TRIM33: variants seen among roughly 807,000 people sequenced by gnomAD.
TRIM33 encodes the protein tripartite motif containing 33, also known as E3 ubiquitin-protein ligase TRIM33.
In TRIM33, 20 loss-of-function variants were observed where a neutral mutation model predicts 125.4. The observed-to-expected ratio is 0.16, with a 90% CI of 0.11 to 0.23. The LOEUF is 0.23. Ranked by LOEUF, TRIM33 falls within the 10% of genes least tolerant of loss-of-function variation. The probability of loss-of-function intolerance (pLI) is 1.00; values close to 1 mark genes in which losing one functional copy is unlikely to be tolerated. For synonymous variants in TRIM33, 564 were observed against 513.9 expected, an observed-to-expected ratio of 1.10 and a Z score of -1.32; for missense variants, 920 against 1,411.4, an observed-to-expected ratio of 0.65 and a Z score of 5.58.
intron 4 of TRIM33, among the ~76,000 whole-genome samples, chr1:114,449,782 A>G (rs1446564420): frequency 1.3e-5 from 2 of 152,202 alleles, no homozygotes; most frequent in Non-Finnish European, 2.9e-5. Flanking sequence ...GAACTACCAC[A>G]TGCCAAACTT....
In TRIM33 at chr1:114,511,124, G is replaced by T; in HGVS notation, c.-48C>A. Reference sequence around the variant, plus strand: ...GACCGCCCCGCGCCGCCCGCCGCCCGCGTCGCCGCCGCCGCCGCCCCCAGC... The same window carrying T: ...GACCGCCCCGCGCCGCCCGCCGCCCTCGTCGCCGCCGCCGCCGCCCCCAGC... On this transcript the variant is annotated 5_prime_UTR_variant, in exon 1 of 20. Transcript: ENST00000358465. 3 of 1,109,936 alleles carry T rather than the reference G, an allele frequency of 2.7e-6. No homozygotes were observed. The highest frequency in any genetic ancestry group is 3.3e-6 in the Non-Finnish European group (3 of 912,018). The allele number at this position is 1,109,936 out of a possible 1,614,324, so 68.8% of individuals were successfully genotyped here.
intron 5 of TRIM33, 85 bp downstream of exon 5, chr1:114,433,532 T>G: frequency 3.8e-6 from 3 of 790,318 alleles, no homozygotes; most frequent in Non-Finnish European, 6.1e-6. Context: ...CTTTATATGC[T>G]TAATATAGCA....
chr1:114,476,951 C>T (rs760393251), intron 1 of TRIM33, among the ~76,000 whole-genome samples: 4 of 152,000 alleles, frequency 2.6e-5, no homozygotes, highest in Admixed American at 6.6e-5. Context: ...AGTGAAAATC[C>T]GAATTCATTT....
At chr1:114,461,288 A>T (rs1486634613) in intron 4 of TRIM33, among the ~76,000 whole-genome samples, 1 of 134,352 alleles carries the variant, frequency 7.4e-6, no homozygotes, top group Non-Finnish European at 1.6e-5. Flanking sequence ...TTATTATTAT[A>T]TATTTATATA....
At chr1:114,456,428 A>G (rs1649628314) in intron 4 of TRIM33, among the ~76,000 whole-genome samples, 1 of 152,220 alleles carries the variant, frequency 6.6e-6, no homozygotes, top group Admixed American at 6.5e-5. Flanking sequence ...AAAAAAGCAG[A>G]TGGCTCATGG....
At chr1:114,427,357 A>T in intron 7 of TRIM33, 63 bp from the exon 8 acceptor site, 1 of 897,158 alleles carries the variant, frequency 1.1e-6, no homozygotes, top group Non-Finnish European at 1.8e-6. Flanking sequence ...ATCATAAGAT[A>T]AAGACATTAA....
chr1:114,508,071 C>G (rs1236084343), intron 1 of TRIM33, among the ~76,000 whole-genome samples: 1 of 152,010 alleles, frequency 6.6e-6, no homozygotes, highest in Non-Finnish European at 1.5e-5. Context: ...AAGCCGAGAT[C>G]GAGCCACTGC....
chr1:114,455,503 C>T (rs952388828), intron 4 of TRIM33, among the ~76,000 whole-genome samples: 2 of 152,184 alleles, frequency 1.3e-5, no homozygotes, highest in Non-Finnish European at 2.9e-5. Context: ...ATTGTCTAAG[C>T]TTCCCTTTAC....
Position 114,398,001 on chromosome 1 carries a change from T to C in TRIM33, c.3121-11A>G, listed in dbSNP as rs774852932. ...AACAACTTTCATCATCTAAAAAGGATACCAGAGTCAAAAAAAAAAAAGGGA... is the reference window on the plus strand; with the variant it reads ...AACAACTTTCATCATCTAAAAAGGACACCAGAGTCAAAAAAAAAAAAGGGA... On this transcript the variant is annotated splice_polypyrimidine_tract_variant and intron_variant, in intron 18 of 19. Transcript: ENST00000358465. 1 of 1,554,926 alleles carries C rather than the reference T, an allele frequency of 6.4e-7. No individual in the cohort carries two copies. Among genetic ancestry groups the C allele is most frequent in the East Asian group, 2.3e-5 (1 of 42,924 alleles).
chr1:114,460,099 C>T (rs1376298612), intron 4 of TRIM33: 2 of 163,196 alleles, frequency 1.2e-5, no homozygotes, highest in Non-Finnish European at 2.8e-5. Flanking sequence ...TGATAAATTT[C>T]AGATTGTGCG....
intron 1 of TRIM33, among the ~76,000 whole-genome samples, chr1:114,506,027 T>A (rs1044527218): frequency 1.3e-5 from 2 of 152,152 alleles, no homozygotes; most frequent in African/African-American, 4.8e-5. Context: ...CTCAGCCTCT[T>A]CGTATTGCAA....
chr1:114,409,255 G>A (rs141494645), intron 12 of TRIM33, among the ~76,000 whole-genome samples: 46 of 152,254 alleles, frequency 3.0e-4, no homozygotes, highest in African/African-American at 1.0e-3. Flanking sequence ...CTTCTAGACT[G>A]TTAACCTGTT....
Position 114,397,587 on chromosome 1 carries a change from G to GTTTTTTTTTTTTTTTT in TRIM33, c.*60_*61insAAAAAAAAAAAAAAAA. The GTTTTTTTTTTTTTTTT allele has an allele frequency of 1.1e-6, 1 of 951,936 alleles. No homozygotes were observed. Among genetic ancestry groups the GTTTTTTTTTTTTTTTT allele is most frequent in the Non-Finnish European group, 1.4e-6 (1 of 697,842 alleles). The allele number at this position is 951,936 out of a possible 1,614,324, so 59.0% of individuals were successfully genotyped here. A position where few individuals can be genotyped will look rare whatever the true frequency, so the allele number is the denominator to read the frequency against. On this transcript the variant is annotated 3_prime_UTR_variant, in exon 20 of 20. Transcript: ENST00000358465. ...CACTTAAAAGTTTTCTGGGTTTTTT[G>GTTTTTTTTTTTTTTTT]TGTTTTTTTTTTTTTTTTCGTTTTT...
chr1:114,489,870 A>C (rs1376024894), intron 1 of TRIM33, among the ~76,000 whole-genome samples: 1 of 152,160 alleles, frequency 6.6e-6, no homozygotes, highest in Non-Finnish European at 1.5e-5. Flanking sequence ...TTCCACACAC[A>C]AAAAACTTTT....
intron 1 of TRIM33, among the ~76,000 whole-genome samples, chr1:114,469,959 A>G (rs1650539038): frequency 1.3e-5 from 2 of 152,262 alleles, no homozygotes; most frequent in African/African-American, 4.8e-5. Context: ...ACATATATTT[A>G]GATAATGTCA....
rs1464007672 is a variant in TRIM33 at position 114,397,958 on chromosome 1, T to C, written c.3153A>G (p.Thr1051=). The C allele has an allele frequency of 6.2e-7, 1 of 1,613,632 alleles. No individual in the cohort carries two copies. The highest frequency in any genetic ancestry group is 8.5e-7 in the Non-Finnish European group (1 of 1,179,918). ...AGCTTACCTTCAAATTAATCTCTTGTGTGTCTGCATAAACTTGAACAACTT... is the reference window on the plus strand; with the variant it reads ...AGCTTACCTTCAAATTAATCTCTTGCGTGTCTGCATAAACTTGAACAACTT... The part of the protein sequence containing the change: ...MMKVVQVYAD[T]QEINLKADSE... The change falls in exon 19 of 20, where the codon ACA becomes ACG. Residue 1051 remains threonine, a synonymous_variant. Coordinates refer to ENST00000358465, the MANE Select transcript of TRIM33 (RefSeq NM_015906.4).
intron 15 of TRIM33, chr1:114,404,804 T>A (rs192566894): frequency 6.7e-6 from 1 of 148,412 alleles, no homozygotes; most frequent in Non-Finnish European, 1.5e-5. Flanking sequence ...TTTGAGAAGA[T>A]ATATCTTTTT....
chr1:114,468,501 GA>G, intron 1 of TRIM33: 34 of 386,490 alleles, frequency 8.8e-5, no homozygotes, highest in South Asian at 2.4e-4. Flanking sequence ...GAACAGTAGG[GA>G]AAAAGGTGCT....
intron 1 of TRIM33, among the ~76,000 whole-genome samples, chr1:114,478,091 A>T (rs1025317692): frequency 2.0e-5 from 3 of 152,230 alleles, no homozygotes; most frequent in Non-Finnish European, 2.9e-5. Flanking sequence ...ACCACAGGGA[A>T]TCAACTACTG....
Sources: allele counts gnomAD v4.1 joint callset (sites outside exome capture counted in the v4.1 genomes callset), GRCh38; gene constraint gnomAD v4.1.1; transcripts MANE v1.5; gene names NCBI Gene and HGNC (gene_info 2026-07-23, HGNC 2026-07-21).